Variants in FAM118B observed in about 807,000 individuals in gnomAD.
FAM118B encodes the protein protein FAM118B.
In FAM118B, 24 loss-of-function variants were observed where a neutral mutation model predicts 38.5. The ratio of observed to expected loss-of-function variants is 0.62; its 90% CI spans 0.45 to 0.88. The LOEUF (loss-of-function observed/expected upper bound fraction) is 0.88, where lower values mean the gene tolerates loss of function less well. FAM118B is among the 40% of genes least tolerant of loss of function. The pLI, the probability that FAM118B is intolerant of heterozygous loss-of-function variation, is 0.00. For synonymous variants in FAM118B, 138 were observed against 156.3 expected (o/e 0.88, Z 0.87); for missense variants, 334 against 420.0 (o/e 0.80, Z 1.79).
At position 126,258,881 on chromosome 11, in the gene FAM118B, A is replaced by C. The variant is rs74823274; in HGVS notation, c.982+2029A>C. Reference sequence around the variant, plus strand: ...TAGACTGTTGCATTACATAACAAAGAAGCAGTAAGGTTCCTTAGTGCACTA... The same window carrying C: ...TAGACTGTTGCATTACATAACAAAGCAGCAGTAAGGTTCCTTAGTGCACTA... On this transcript the variant is annotated intron_variant, in intron 7 of 8. Coordinates refer to ENST00000533050, the MANE Select transcript of FAM118B (RefSeq NM_024556.4). Among the ~76,000 whole-genome samples, 681 of 152,354 alleles carry C rather than the reference A, an allele frequency of 4.5e-3. 2 individuals are homozygous for C. The highest frequency in any genetic ancestry group is 0.015 in the African/African-American group (618 of 41,576).
chr11:126,220,520 C>T (rs1032251745), intron 1 of FAM118B, among the ~76,000 whole-genome samples: 1 of 152,024 alleles, frequency 6.6e-6, no homozygotes, highest in Non-Finnish European at 1.5e-5. Flanking sequence ...TCAAGATCAG[C>T]CTGGTCAACA....
chr11:126,241,985 A>T lies in FAM118B; in HGVS notation c.339+941A>T, dbSNP rs113501982. On this transcript the variant is annotated intron_variant, in intron 4 of 8. Transcript: ENST00000533050. ...GGTTGCACTGAGTTGCGGTCGCGCC[A>T]CTGCACTCCAGCCTGGGCGACAGAG... 6.9e-3 allele frequency among the ~76,000 whole-genome samples: 1,010 copies of T among 146,298 alleles called. 11 individuals are homozygous for T. The highest frequency in any genetic ancestry group is 0.023 in the African/African-American group (895 of 39,336).
chr11:126,245,730 CT>C (rs1481776311), intron 4 of FAM118B, among the ~76,000 whole-genome samples: 2 of 152,058 alleles, frequency 1.3e-5, no homozygotes, highest in African/African-American at 2.4e-5. Flanking sequence ...AGCGCAGTGG[CT>C]AACTCCTGTA....
chr11:126,219,349 CTTTTTTTTTTTTTTTTTTTTTTTTTT>C (rs549922825), intron 1 of FAM118B, among the ~76,000 whole-genome samples: 5 of 44,416 alleles, frequency 1.1e-4, no homozygotes, highest in Non-Finnish European at 1.9e-4. Context: ...TCTTGTTTAT[CTTTTTTTTTTTTTTTTTTTTTTTTTT>C]TTTTTTTTTT....
chr11:126,227,912 A>C (rs560973114), intron 1 of FAM118B, among the ~76,000 whole-genome samples: 73 of 150,354 alleles, frequency 4.9e-4, no homozygotes, highest in Non-Finnish European at 9.3e-4. Flanking sequence ...TGATCCTCCC[A>C]ACTCAGCCTC....
At chr11:126,249,299 G>A (rs1018265857) in intron 4 of FAM118B, among the ~76,000 whole-genome samples, 3 of 152,166 alleles carry the variant, frequency 2.0e-5, no homozygotes, top group African/African-American at 7.2e-5. Context: ...TTTAAAAAAC[G>A]TATTAAATTG....
intron 1 of FAM118B, among the ~76,000 whole-genome samples, chr11:126,219,837 G>A (rs559860796): frequency 5.1e-4 from 66 of 129,212 alleles, no homozygotes; most frequent in African/African-American, 1.9e-3. Context: ...ATGCACTACT[G>A]TACTTATTAA....
chr11:126,225,734 C>G (rs575012261), intron 1 of FAM118B, among the ~76,000 whole-genome samples: 3 of 152,294 alleles, frequency 2.0e-5, no homozygotes, highest in Middle Eastern at 3.4e-3. Context: ...AATCCCAGCA[C>G]TTTGGGAGGC....
rs71048775 is a variant in FAM118B at position 126,249,731 on chromosome 11, C to CAA, written c.340-753_340-752dup. On this transcript the variant is annotated intron_variant, in intron 4 of 8. Coordinates refer to ENST00000533050, the MANE Select transcript of FAM118B (RefSeq NM_024556.4). ...TGGGTGACAGAATGAGACTCCGTCT[C>CAA]AAAAAAAAAAAAAAAAAAAAAAAGA... is the stretch of plus-strand genomic sequence containing the variant. Among the ~76,000 whole-genome samples the CAA allele has an allele frequency of 8.7e-3, 684 of 78,330 alleles. 9 individuals are homozygous for CAA. Among genetic ancestry groups the CAA allele is most frequent in the East Asian group, 0.014 (36 of 2,498 alleles). 51.4% of individuals were successfully genotyped at this position (78,330 alleles called of 152,430 possible).
intron 4 of FAM118B, among the ~76,000 whole-genome samples, chr11:126,247,852 C>T (rs1469147516): frequency 7.9e-6 from 1 of 125,956 alleles, no homozygotes; most frequent in African/African-American, 2.8e-5. Context: ...ATCGAGACTC[C>T]ATCTCAAAAA....
In FAM118B at chr11:126,262,190, G is replaced by C. The variant is rs1950715404; in HGVS notation, c.*57G>C. 2.5e-6 allele frequency: 4 copies of C among 1,582,550 alleles called. No individual in the cohort carries two copies. The highest frequency in any genetic ancestry group is 3.5e-6 in the Non-Finnish European group (4 of 1,153,302). ...AAGCTGTAAGGCCCTACTACAGACA[G>C]TGTTTAACAAGTAAACTTACAAGAA... On this transcript the variant is annotated 3_prime_UTR_variant, in exon 9 of 9. Coordinates refer to ENST00000533050, the MANE Select transcript of FAM118B (RefSeq NM_024556.4).
In FAM118B at chr11:126,234,984, A is replaced by G. The variant is rs1950253728; in HGVS notation, c.-7-11A>G. ...ATCTAATTGTGGTTCATGGTGTTTA[A>G]TCTATTTTAGAAACTGGATGGCTTC... On this transcript the variant is annotated splice_polypyrimidine_tract_variant and intron_variant, in intron 2 of 8. Transcript: ENST00000533050. The G allele has an allele frequency of 6.2e-7, 1 of 1,602,342 alleles. No homozygotes were observed. The highest frequency in any genetic ancestry group is 8.5e-7 in the Non-Finnish European group (1 of 1,169,762).
rs565748213 is a variant in FAM118B at position 126,218,722 on chromosome 11, GC to G, written c.-77+6894del. ...CCAGCGTGGGTCTTGTTGGGTGGTG[GC>G]CATTACTATAGGGTGGCTGGTATAT... On this transcript the variant is annotated intron_variant, in intron 1 of 8. Coordinates refer to ENST00000533050, the MANE Select transcript of FAM118B (RefSeq NM_024556.4). Among the ~76,000 whole-genome samples the G allele has an allele frequency of 4.6e-3, 694 of 152,218 alleles. 3 individuals carry two copies. Among genetic ancestry groups the G allele is most frequent in the Middle Eastern group, 0.031 (9 of 294 alleles).
Position 126,211,909 on chromosome 11 carries a change from T to C in FAM118B, c.-77+79T>C, listed in dbSNP as rs1949884010. ...TTTAACGTTTTCTGCGTCCCCGGGA[T>C]TTCCGTTCAAGAAGAGCACTGGTCT... On this transcript the variant is annotated intron_variant, in intron 1 of 8. Coordinates refer to ENST00000533050, the MANE Select transcript of FAM118B (RefSeq NM_024556.4). 1.0e-5 allele frequency: 5 copies of C among 492,718 alleles called. No individual in the cohort carries two copies. In the South Asian group the frequency reaches 1.4e-4, roughly 13 times the overall value. The allele number at this position is 492,718 out of a possible 1,614,324, so 30.5% of individuals were successfully genotyped here. A position where few individuals can be genotyped will look rare whatever the true frequency, so the allele number is the denominator to read the frequency against.
intron 1 of FAM118B, among the ~76,000 whole-genome samples, chr11:126,227,456 T>A (rs1472888891): frequency 1.3e-5 from 2 of 152,242 alleles, no homozygotes; most frequent in African/African-American, 4.8e-5. Flanking sequence ...CAGTTATTTT[T>A]AATCCATTAT....
Position 126,256,095 on chromosome 11 carries a change from A to G in FAM118B, c.697-472A>G, listed in dbSNP as rs1408006147. Among the ~76,000 whole-genome samples the G allele has an allele frequency of 2.0e-5, 3 of 152,134 alleles. No homozygotes were observed. Among genetic ancestry groups the G allele is most frequent in the Admixed American group, 6.5e-5 (1 of 15,270 alleles). On this transcript the variant is annotated intron_variant, in intron 6 of 8. Transcript: ENST00000533050. The surrounding 1 kb of genome is among the most constrained non-coding windows in gnomAD (Gnocchi z 6.6). ...AGACCAGCCTGGCCAACATGGCAAAACCCCGTCTCTACTAAACATTCAAAA... is the reference window on the plus strand; with the variant it reads ...AGACCAGCCTGGCCAACATGGCAAAGCCCCGTCTCTACTAAACATTCAAAA...
intron 7 of FAM118B, among the ~76,000 whole-genome samples, chr11:126,258,685 A>G (rs572363612): frequency 6.6e-6 from 1 of 152,318 alleles, no homozygotes; most frequent in East Asian, 1.9e-4. Flanking sequence ...AGACTTTGAG[A>G]AGGCTTTTCT....
At chr11:126,226,153 A>G (rs879107544) in intron 1 of FAM118B, among the ~76,000 whole-genome samples, 2 of 143,194 alleles carry the variant, frequency 1.4e-5, no homozygotes, top group African/African-American at 5.3e-5. Context: ...TAGGCAGGCC[A>G]GAAAGGAACG....
At position 126,235,091 on chromosome 11, in the gene FAM118B, A is replaced by G; in HGVS notation, c.86+4A>G. 6.2e-7 allele frequency: 1 copy of G among 1,613,742 alleles called. No individual in the cohort carries two copies. The highest frequency in any genetic ancestry group is 2.2e-5 in the East Asian group (1 of 44,870). ...AACCTCCCACCAAAAAGCCCAGGTA[A>G]ACAAGAGAAGGGAATCAGCAGAGTA... On this transcript the variant is annotated splice_donor_region_variant and intron_variant, in intron 3 of 8. Transcript: ENST00000533050.
Sources: gnomAD v4.1 joint callset for allele counts (sites outside exome capture counted in the v4.1 genomes callset) on GRCh38, gnomAD v4.1.1 for gene constraint, Gnocchi (gnomAD v3.1) non-coding constraint, MANE v1.5 for transcripts, NCBI Gene and HGNC (gene_info 2026-07-23, HGNC 2026-07-21) for gene names.